Variants in ERI2 observed in about 807,000 individuals in gnomAD.
The protein encoded by ERI2 is ERI1 exoribonuclease 2.
In ERI2, 35 loss-of-function variants were observed where a neutral mutation model predicts 46.8. The observed-to-expected ratio is 0.75, with a 90% CI of 0.57 to 0.99. The LOEUF (loss-of-function observed/expected upper bound fraction) is 0.99. Ranked by LOEUF, ERI2 falls within the 50% of genes least tolerant of loss-of-function variation. The probability of loss-of-function intolerance (pLI) is 0.00; values close to 1 mark genes in which losing one functional copy is unlikely to be tolerated. For synonymous variants in ERI2, 224 were observed against 271.0 expected (o/e 0.83, Z 1.70); for missense variants, 695 against 796.2 (o/e 0.87, Z 1.53).
rs771671756 is a variant in ERI2 at position 20,802,868 on chromosome 16, GAACTCAGAGT to G, written c.221_230del (p.Asp74AlafsTer20). 3.7e-6 allele frequency: 6 copies of G among 1,611,174 alleles called. No homozygotes were observed. Among genetic ancestry groups the G allele is most frequent in the Non-Finnish European group, 5.1e-6 (6 of 1,177,982 alleles). On this transcript the variant is annotated frameshift_variant, in exon 4 of 9. Transcript: ENST00000357967. LOFTEE classifies it high-confidence loss of function. ...GTTCCTGAGGTTGAACATAAGCCTGGAACTCAGAGTCAATCTGTCCAGTTGATGTGTTCAG... is the reference window on the plus strand; with the variant it reads ...GTTCCTGAGGTTGAACATAAGCCTGGCAATCTGTCCAGTTGATGTGTTCAG...
intron 10 of ERI2, among the ~76,000 whole-genome samples, chr16:20,788,091 TTTTTA>T (rs1285682396): frequency 6.6e-6 from 1 of 152,152 alleles, no homozygotes; most frequent in Non-Finnish European, 1.5e-5. Context: ...CACATTCCTC[TTTTTA>T]TTTATTTATT....
chr16:20,787,348 G>A (rs1348715649), intron 10 of ERI2, among the ~76,000 whole-genome samples: 3 of 152,100 alleles, frequency 2.0e-5, no homozygotes, highest in African/African-American at 4.8e-5. Flanking sequence ...TAGTAAGTTC[G>A]AACCATTTTA....
chr16:20,785,044 G>T (rs1303413170), intron 10 of ERI2: 1 of 1,613,626 alleles, frequency 6.2e-7, no homozygotes, highest in Non-Finnish European at 8.5e-7. Context: ...CCCCTGACGT[G>T]ACTGAAAAAT....
exon 11 of ERI2, chr16:20,780,610 C>G: frequency 6.2e-7 from 1 of 1,607,344 alleles, no homozygotes; most frequent in Middle Eastern, 1.7e-4. Flanking sequence ...GCACCTGATT[C>G]ATGACATGAA....
chr16:20,786,127 T>C, intron 10 of ERI2: 1 of 1,606,356 alleles, frequency 6.2e-7, no homozygotes, highest in Non-Finnish European at 8.5e-7. Flanking sequence ...CCTGGCTCAA[T>C]GGGAAAACCT....
Position 20,800,308 on chromosome 16 carries a change from A to C in ERI2, c.555T>G (p.Thr185=). The C allele has an allele frequency of 1.2e-6, 2 of 1,600,960 alleles. No individual in the cohort carries two copies. The highest frequency in any genetic ancestry group is 8.5e-7 in the Non-Finnish European group (1 of 1,171,198). ...CCCCATTTTTTACCATTACCTTGTAAGTTGCTCTGAGATCAATCCAAGAAT... is the reference window on the plus strand; with the variant it reads ...CCCCATTTTTTACCATTACCTTGTACGTTGCTCTGAGATCAATCCAAGAAT... ...FLNSWIDLRA[T]YKLFYRRKPK... Residue 185 remains threonine, a synonymous_variant, in exon 6 of 9, where the codon ACT becomes ACG. Transcript: ENST00000357967.
intron 10 of ERI2, chr16:20,786,152 T>C (rs781710699): frequency 1.2e-6 from 2 of 1,609,886 alleles, no homozygotes; most frequent in African/African-American, 1.3e-5. Context: ...CTGCTTTCGA[T>C]GTTAAGGTTT....
At chr16:20,781,051 G>C (rs2080342162) in intron 10 of ERI2, 1 of 1,614,092 alleles carries the variant, frequency 6.2e-7, no homozygotes, top group Non-Finnish European at 8.5e-7. Flanking sequence ...GCATGGAGTA[G>C]TGTTTTTTCT....
chr16:20,797,209 T>C lies in ERI2; in HGVS notation c.*515A>G, dbSNP rs1452746143. On this transcript the variant is annotated 3_prime_UTR_variant, in exon 9 of 9. Transcript: ENST00000357967. ...CTTAATATAAAAATAATACCATCAA[T>C]TGCTGATTAATTTTTAAATGTATAG... is the stretch of plus-strand genomic sequence containing the variant. 15 of 1,222,688 alleles carry C rather than the reference T, an allele frequency of 1.2e-5. No individual in the cohort carries two copies. The highest frequency in any genetic ancestry group is 1.6e-5 in the African/African-American group (1 of 62,724). The allele number at this position is 1,222,688 out of a possible 1,614,324, so 75.7% of individuals were successfully genotyped here.
chr16:20,791,643 A>T (rs1387897678), downstream of ERI2, among the ~76,000 whole-genome samples: 1 of 152,086 alleles, frequency 6.6e-6, no homozygotes, highest in Non-Finnish European at 1.5e-5. Context: ...AATCCAATTG[A>T]GGGCCAGGAG....
At chr16:20,792,271 T>C (rs1424072663), downstream of ERI2, 1 of 1,614,136 alleles carries the variant, frequency 6.2e-7, no homozygotes, top group Non-Finnish European at 8.5e-7. Context: ...GAAAATGCCC[T>C]GAATGAACAC....
chr16:20,793,329 C>T (rs1005077144), downstream of ERI2, among the ~76,000 whole-genome samples: 2 of 152,030 alleles, frequency 1.3e-5, no homozygotes, highest in African/African-American at 4.8e-5. Flanking sequence ...ATTAGCCAGG[C>T]ATGGTGGCAC....
Position 20,800,000 on chromosome 16 carries a change from G to C in ERI2, c.600C>G (p.Ala200=), listed in dbSNP as rs950824919. 1.9e-6 allele frequency: 3 copies of C among 1,606,076 alleles called. No homozygotes were observed. Among genetic ancestry groups the C allele is most frequent in the Non-Finnish European group, 2.6e-6 (3 of 1,174,686 alleles). Reference sequence around the variant, plus strand: ...AGAATTCTATTCCTACTTCCTGCAAGGCACCACTTAGTCCTTTTGGTTTTC... The same window carrying C: ...AGAATTCTATTCCTACTTCCTGCAACGCACCACTTAGTCCTTTTGGTTTTC... ...YRRKPKGLSG[A]LQEVGIEFSG... The change falls in exon 7 of 9, where the codon GCC becomes GCG. Residue 200 remains alanine (A), a synonymous_variant. Coordinates refer to ENST00000357967, the MANE Select transcript of ERI2 (RefSeq NM_001142725.2).
chr16:20,790,276 T>A lies in ERI2; in HGVS notation c.815+574A>T. Among the ~76,000 whole-genome samples the A allele has an allele frequency of 1.3e-5, 2 of 152,004 alleles. 1 individual carries two copies. The highest frequency in any genetic ancestry group is 2.9e-5 in the Non-Finnish European group (2 of 67,986). On this transcript the variant is annotated intron_variant, in intron 9 of 10. Transcript: ENST00000300005. The surrounding 1 kb of genome is among the most constrained non-coding windows in gnomAD (Gnocchi z 4.0). Reference sequence around the variant, plus strand: ...CCTGGGCAACATAATGAGTCCCTCATCCCTACAAAAAATAAAAATAAACAT... The same window carrying A: ...CCTGGGCAACATAATGAGTCCCTCAACCCTACAAAAAATAAAAATAAACAT...
chr16:20,780,919 T>C, intron 10 of ERI2: 2 of 1,612,294 alleles, frequency 1.2e-6, no homozygotes, highest in Non-Finnish European at 1.7e-6. Context: ...ACTTATGTAC[T>C]GGTCTTTTAT....
At position 20,801,093 on chromosome 16, in the gene ERI2, A is replaced by G. The variant is rs545124719; in HGVS notation, c.460+110T>C. ...GCATTTAAATTTTTTTTCCTAGCCC[A>G]GAAGATTAACAAACATAATTCTAGG... On this transcript the variant is annotated intron_variant, in intron 5 of 8. Transcript: ENST00000357967. The G allele has an allele frequency of 2.8e-6, 3 of 1,057,560 alleles. No homozygotes were observed. The South Asian group carries it at 9.0e-5, about 32-fold the overall frequency. The allele number at this position is 1,057,560 out of a possible 1,614,324, so 65.5% of individuals were successfully genotyped here. A position where few individuals can be genotyped will look rare whatever the true frequency, so the allele number is the denominator to read the frequency against.
chr16:20,786,212 T>A (rs1455703615), intron 10 of ERI2: 2 of 1,584,156 alleles, frequency 1.3e-6, no homozygotes, highest in Non-Finnish European at 1.7e-6. Flanking sequence ...GTACACTACC[T>A]ACCTACCGCT....
chr16:20,797,117 G>C lies in ERI2; in HGVS notation c.*607C>G. ...AAAATATCTTGTGGTTATGATATCA[G>C]AGGCTAAATTTTGAAATAAAATATT... On this transcript the variant is annotated 3_prime_UTR_variant, in exon 9 of 9. Transcript: ENST00000357967. The C allele has an allele frequency of 7.3e-7, 1 of 1,376,408 alleles. No homozygotes were observed. Among genetic ancestry groups the C allele is most frequent in the Non-Finnish European group, 9.4e-7 (1 of 1,066,992 alleles). 85.3% of individuals were successfully genotyped at this position (1,376,408 alleles called of 1,614,324 possible).
chr16:20,782,211 C>G (rs1208042391), intron 10 of ERI2, among the ~76,000 whole-genome samples: 1 of 152,140 alleles, frequency 6.6e-6, no homozygotes, highest in Non-Finnish European at 1.5e-5. Context: ...AAAACAACCC[C>G]CGTTTCTCTT....
Sources: gnomAD v4.1 joint callset for allele counts (sites outside exome capture counted in the v4.1 genomes callset) on GRCh38, gnomAD v4.1.1 for gene constraint, Gnocchi (gnomAD v3.1) non-coding constraint, MANE v1.5 for transcripts, NCBI Gene and HGNC (gene_info 2026-07-23, HGNC 2026-07-21) for gene names.